The following ZFP1 variants were observed in gnomAD, a reference collection of about 807,000 sequenced individuals.
The protein encoded by ZFP1 is ZFP1 zinc finger protein, also known as zinc finger protein 1 homolog.
A neutral mutation model predicts 38.5 loss-of-function variants in ZFP1; 32 were observed. The ratio of observed to expected loss-of-function variants is 0.83; its 90% confidence interval spans 0.63 to 1.12. The LOEUF (loss-of-function observed/expected upper bound fraction) is 1.12. Among genes scored for constraint, ZFP1 ranks in the 50% most tolerant of loss-of-function variants. ZFP1 has a pLI of 0.00. For missense variants in ZFP1, 616 were observed against 480.8 expected (o/e 1.28, Z -2.63); for synonymous variants, 245 against 168.8 (o/e 1.45, Z -3.50).
upstream of ZFP1, among the ~76,000 whole-genome samples, chr16:75,144,542 G>A (rs1567516604): frequency 6.6e-6 from 1 of 152,112 alleles, no homozygotes; most frequent in Non-Finnish European, 1.5e-5. Flanking sequence ...ATAGGTTATG[G>A]TAATTTATAA....
the ZFP1 span, among the ~76,000 whole-genome samples, chr16:75,122,134 G>A: frequency 6.6e-6 from 1 of 152,314 alleles, no homozygotes; most frequent in South Asian, 2.1e-4. Context: ...CAGAAAAGGT[G>A]CCCCTCGCAG....
chr16:75,142,008 C>T, the ZFP1 span, among the ~76,000 whole-genome samples: 31 of 148,258 alleles, frequency 2.1e-4, no homozygotes, highest in Admixed American at 1.4e-3. Context: ...GAGCCGAGAT[C>T]GCGCCACTGC....
chr16:75,130,393 G>C, the ZFP1 span, among the ~76,000 whole-genome samples: 2 of 152,250 alleles, frequency 1.3e-5, no homozygotes, highest in African/African-American at 4.8e-5. Context: ...CACATGGTCA[G>C]TGGCCTGCTA....
At chr16:75,155,321 A>T (rs1764402149) in intron 2 of ZFP1, among the ~76,000 whole-genome samples, 1 of 152,064 alleles carries the variant, frequency 6.6e-6, no homozygotes, top group Non-Finnish European at 1.5e-5. Context: ...TTTTGTAGAG[A>T]TGGAGTTTTG....
At chr16:75,162,828 A>G (rs1193939254) in intron 2 of ZFP1, among the ~76,000 whole-genome samples, 1 of 152,212 alleles carries the variant, frequency 6.6e-6, no homozygotes, top group African/African-American at 2.4e-5. Flanking sequence ...TGTTGCTGCA[A>G]AGGATATGAT....
intron 2 of ZFP1, among the ~76,000 whole-genome samples, chr16:75,161,757 A>AATATATATATATATAT (rs1338490455): frequency 0.032 from 448 of 14,208 alleles, 71 homozygotes; most frequent in Non-Finnish European, 0.038. Flanking sequence ...AGTTTTATGA[A>AATATATATATATATAT]ATATATATAT....
chr16:75,168,640 G>C (rs919564797), intron 3 of ZFP1, among the ~76,000 whole-genome samples: 3 of 152,026 alleles, frequency 2.0e-5, no homozygotes, highest in African/African-American at 7.3e-5. Context: ...TTTACCATTT[G>C]CAAGATTCTC....
the ZFP1 span, among the ~76,000 whole-genome samples, chr16:75,130,421 G>T: frequency 1.3e-5 from 2 of 152,116 alleles, no homozygotes; most frequent in Non-Finnish European, 2.9e-5. Context: ...GGAGGGAAAC[G>T]TGCAATTTGT....
the ZFP1 span, among the ~76,000 whole-genome samples, chr16:75,128,317 G>A: frequency 1.3e-5 from 2 of 152,332 alleles, no homozygotes; most frequent in South Asian, 4.1e-4. Flanking sequence ...TTTAAAAAAA[G>A]TCTTATCTGA....
chr16:75,133,134 C>G, the ZFP1 span, among the ~76,000 whole-genome samples: 3 of 151,704 alleles, frequency 2.0e-5, no homozygotes, highest in South Asian at 4.2e-4. Context: ...CATGCCACCA[C>G]GCCCAGCTAA....
chr16:75,141,844 A>G, the ZFP1 span, among the ~76,000 whole-genome samples: 2 of 151,800 alleles, frequency 1.3e-5, no homozygotes, highest in Admixed American at 6.6e-5. Flanking sequence ...TGAGGTCAGG[A>G]GTTCAAGACC....
chr16:75,123,319 A>C, the ZFP1 span, among the ~76,000 whole-genome samples: 2 of 150,182 alleles, frequency 1.3e-5, no homozygotes, highest in South Asian at 4.2e-4. Context: ...ATGCCACTGC[A>C]CTCCAGCCTG....
chr16:75,165,506 T>C (rs1199946028), intron 2 of ZFP1, among the ~76,000 whole-genome samples: 6 of 152,036 alleles, frequency 3.9e-5, no homozygotes, highest in Non-Finnish European at 8.8e-5. Context: ...GCAATTCTCC[T>C]GTCCCAGCCT....
At chr16:75,159,409 A>ATT (rs59866485) in intron 2 of ZFP1, among the ~76,000 whole-genome samples, 29 of 59,142 alleles carry the variant, frequency 4.9e-4, no homozygotes, top group Middle Eastern at 8.2e-3. Context: ...CTCACTTTTC[A>ATT]TTTTTTTTTT....
chr16:75,158,181 A>G (rs2037564516), intron 2 of ZFP1, among the ~76,000 whole-genome samples: 1 of 151,764 alleles, frequency 6.6e-6, no homozygotes, highest in African/African-American at 2.4e-5. Flanking sequence ...TATTTCCCCT[A>G]AATAGCTTGT....
intron 2 of ZFP1, among the ~76,000 whole-genome samples, chr16:75,161,718 A>G (rs1283697213): frequency 3.1e-5 from 4 of 127,956 alleles, no homozygotes; most frequent in Non-Finnish European, 6.5e-5. Flanking sequence ...AGATTTCTTT[A>G]TTTCACAGAA....
At chr16:75,165,594 C>G (rs1358669540) in intron 2 of ZFP1, among the ~76,000 whole-genome samples, 1 of 152,062 alleles carries the variant, frequency 6.6e-6, no homozygotes, top group African/African-American at 2.4e-5. Context: ...GGGGTTTCAC[C>G]ATCTTTGCCA....
At chr16:75,141,349 C>T in the ZFP1 span, among the ~76,000 whole-genome samples, 1 of 151,558 alleles carries the variant, frequency 6.6e-6, no homozygotes, top group Non-Finnish European at 1.5e-5. Context: ...ACTACAGGCG[C>T]CCACCACCAC....
Position 75,170,297 on chromosome 16 carries a change from G to A in ZFP1, c.1187G>A (p.Ser396Asn), listed in dbSNP as rs1182220352. The change falls in exon 4 of 4, where the codon AGT (serine) becomes AAT (asparagine). Residue 396 changes from serine (S) to asparagine (N), a missense_variant. Ser to Asn is a conservative substitution (Grantham distance 46). Transcript: ENST00000570010. The stretch of plus-strand genomic sequence containing the variant: ...GCCTTTAGCAGGAAGTCCCGACTCA[G>A]TGTCCATCAGAGAGTTCACATCGGG... ...GKAFSRKSRL[S>N]VHQRVHIGEK... 9 of 1,605,816 alleles carry A rather than the reference G, an allele frequency of 5.6e-6. No individual in the cohort carries two copies. Among genetic ancestry groups the A allele is most frequent in the Non-Finnish European group, 8.5e-7 (1 of 1,175,522 alleles).
Sources: gnomAD v4.1 joint callset for allele counts (sites outside exome capture counted in the v4.1 genomes callset) on GRCh38, gnomAD v4.1.1 for gene constraint, MANE v1.5 for transcripts, NCBI Gene and HGNC (gene_info 2026-07-23, HGNC 2026-07-21) for gene names.